FMNL2: variants seen among roughly 807,000 people sequenced by gnomAD.
The protein encoded by FMNL2 is formin like 2, also known as formin-like protein 2.
A neutral mutation model predicts 130.2 loss-of-function variants in FMNL2; 51 were observed. The ratio of observed to expected loss-of-function variants is 0.39; its 90% CI spans 0.31 to 0.49. The LOEUF is 0.49. Ranked by LOEUF, FMNL2 falls within the 20% of genes least tolerant of loss-of-function variation. The pLI, the probability that FMNL2 is intolerant of heterozygous loss-of-function variation, is 0.85. For missense variants in FMNL2, 977 were observed against 1,316.2 expected, an observed-to-expected ratio of 0.74 and a Z score of 3.99; for synonymous variants, 465 against 467.1, an observed-to-expected ratio of 1.00 and a Z score of 0.06.
chr2:152,615,378 C>T (rs574586703), intron 12 of FMNL2, among the ~76,000 whole-genome samples: 2 of 152,236 alleles, frequency 1.3e-5, no homozygotes, highest in Admixed American at 1.3e-4. Flanking sequence ...TCAACTATGT[C>T]CACACAAACC....
At chr2:152,401,670 G>A (rs1685700180) in intron 1 of FMNL2, among the ~76,000 whole-genome samples, 1 of 152,100 alleles carries the variant, frequency 6.6e-6, no homozygotes, top group Non-Finnish European at 1.5e-5. Context: ...TCAGTGGAGG[G>A]GAGGCTGTTG....
At chr2:152,580,265 T>C (rs903519832) in intron 8 of FMNL2, among the ~76,000 whole-genome samples, 2 of 152,252 alleles carry the variant, frequency 1.3e-5, no homozygotes, top group African/African-American at 2.4e-5. Flanking sequence ...GAAACAATGC[T>C]GTTTCTTTCT....
At chr2:152,378,360 T>C (rs528416633) in intron 1 of FMNL2, among the ~76,000 whole-genome samples, 49 of 152,334 alleles carry the variant, frequency 3.2e-4, no homozygotes, top group African/African-American at 1.1e-3. Context: ...ACAGCATTTA[T>C]ACTTTATTTT....
At chr2:152,457,289 T>C (rs1689010430) in intron 1 of FMNL2, among the ~76,000 whole-genome samples, 1 of 152,230 alleles carries the variant, frequency 6.6e-6, no homozygotes, top group Admixed American at 6.5e-5. Context: ...CACTTCTCCA[T>C]GGAACTCAGA....
chr2:152,459,393 C>T (rs1689120554), intron 1 of FMNL2, among the ~76,000 whole-genome samples: 1 of 151,956 alleles, frequency 6.6e-6, no homozygotes, highest in Admixed American at 6.6e-5. Flanking sequence ...TTCTTGATTC[C>T]CTGAAGAGTT....
chr2:152,580,059 CTG>C (rs1696696724), intron 8 of FMNL2, among the ~76,000 whole-genome samples: 2 of 152,208 alleles, frequency 1.3e-5, no homozygotes, highest in South Asian at 2.1e-4. Flanking sequence ...CCTTTTGCGA[CTG>C]TGCGATTCCT....
intron 21 of FMNL2, among the ~76,000 whole-genome samples, chr2:152,635,744 C>T (rs1682545426): frequency 6.6e-6 from 1 of 152,180 alleles, no homozygotes; most frequent in South Asian, 2.1e-4. Flanking sequence ...ACACTGCAGA[C>T]AGAAAGGTTC....
intron 2 of FMNL2, among the ~76,000 whole-genome samples, chr2:152,528,903 A>G (rs997290537): frequency 2.0e-5 from 3 of 152,260 alleles, no homozygotes; most frequent in East Asian, 1.9e-4. Context: ...TTTCCAGTCA[A>G]AGGGAGAAAG....
chr2:152,445,662 C>T (rs911053583), intron 1 of FMNL2, among the ~76,000 whole-genome samples: 3 of 152,158 alleles, frequency 2.0e-5, no homozygotes, highest in African/African-American at 2.4e-5. Context: ...CCCTGTCCTC[C>T]CCAAAGTTTC....
chr2:152,625,204 TG>T, intron 15 of FMNL2: 1 of 435,668 alleles, frequency 2.3e-6, no homozygotes, highest in East Asian at 3.1e-5. Context: ...AATCAACCCT[TG>T]GCCCTTAAGA....
Position 152,510,274 on chromosome 2 carries a change from A to G in FMNL2, c.118-11669A>G, listed in dbSNP as rs567305796. ...TTGTTTGGCTGAGCAGAATTCTGTT[A>G]GACAATAATTATGCACCATCTGAAT... On this transcript the variant is annotated intron_variant, in intron 1 of 25. Coordinates refer to ENST00000288670, the MANE Select transcript of FMNL2 (RefSeq NM_052905.4). 9.2e-5 allele frequency among the ~76,000 whole-genome samples: 14 copies of G among 152,352 alleles called. No individual in the cohort carries two copies. The South Asian group carries it at 2.9e-3, about 32-fold the overall frequency.
chr2:152,365,705 G>A (rs951909101), intron 1 of FMNL2, among the ~76,000 whole-genome samples: 6 of 152,038 alleles, frequency 3.9e-5, no homozygotes, highest in South Asian at 4.1e-4. Context: ...CCCGGGAGGC[G>A]GAGGTTGCAG....
chr2:152,450,059 T>G (rs1190414310), intron 1 of FMNL2, among the ~76,000 whole-genome samples: 1 of 152,188 alleles, frequency 6.6e-6, no homozygotes, highest in African/African-American at 2.4e-5. Context: ...ATAGAAATAT[T>G]CCAGTTTTTG....
At chr2:152,645,410 G>A (rs1487471377) in intron 25 of FMNL2, 1 of 1,242,700 alleles carries the variant, frequency 8.0e-7, no homozygotes, top group Non-Finnish European at 1.1e-6. Flanking sequence ...CCATCATTTT[G>A]TGTTTTTGTT....
chr2:152,456,205 T>A (rs1688946766), intron 1 of FMNL2, among the ~76,000 whole-genome samples: 2 of 152,216 alleles, frequency 1.3e-5, no homozygotes, highest in Non-Finnish European at 2.9e-5. Context: ...TTGATCAAAT[T>A]TTCTTTCCAA....
intron 2 of FMNL2, among the ~76,000 whole-genome samples, chr2:152,524,747 G>A (rs919217143): frequency 2.6e-5 from 4 of 152,136 alleles, no homozygotes; most frequent in African/African-American, 7.2e-5. Flanking sequence ...TGTGCTGCAC[G>A]TTTTGGTTTT....
rs149366097 is a variant in FMNL2, at chr2:152,544,152, C to G, written c.282+1333C>G. Among the ~76,000 whole-genome samples the G allele has an allele frequency of 2.9e-3, 435 of 152,242 alleles. 2 individuals carry two copies. Among genetic ancestry groups the G allele is most frequent in the African/African-American group, 0.01 (424 of 41,546 alleles). Reference sequence around the variant, plus strand: ...TACACCCAGGCCTGGCACAGTGGCTCACGTCTGTAATCCCAGCACTTTGGG... The same window carrying G: ...TACACCCAGGCCTGGCACAGTGGCTGACGTCTGTAATCCCAGCACTTTGGG... On this transcript the variant is annotated intron_variant, in intron 3 of 25. Coordinates refer to ENST00000288670, the MANE Select transcript of FMNL2 (RefSeq NM_052905.4).
chr2:152,607,006 GTT>G (rs58237890), intron 9 of FMNL2, among the ~76,000 whole-genome samples: 51 of 84,880 alleles, frequency 6.0e-4, no homozygotes, highest in African/African-American at 2.2e-3. Flanking sequence ...TTTTTTTTTT[GTT>G]TTTTTTTTTT....
intron 6 of FMNL2, among the ~76,000 whole-genome samples, chr2:152,561,769 G>A (rs1423061887): frequency 6.6e-6 from 1 of 151,968 alleles, no homozygotes; most frequent in African/African-American, 2.4e-5. Context: ...GTAGAGGCAG[G>A]GTTTCACAAT....
Sources: allele counts gnomAD v4.1 joint callset (sites outside exome capture counted in the v4.1 genomes callset), GRCh38; gene constraint gnomAD v4.1.1; transcripts MANE v1.5; gene names NCBI Gene and HGNC (gene_info 2026-07-23, HGNC 2026-07-21).